The following CCDC91 variants were observed in gnomAD, a reference collection of about 807,000 sequenced individuals.
The protein encoded by CCDC91 is coiled-coil domain containing 91.
A neutral mutation model predicts 63.2 loss-of-function variants in CCDC91; 48 were observed. The observed-to-expected ratio is 0.76, with a 90% CI of 0.60 to 0.97. The LOEUF is 0.97. CCDC91 is among the 50% of genes least tolerant of loss of function. The probability of loss-of-function intolerance (pLI) is 0.00; values close to 1 mark genes in which losing one functional copy is unlikely to be tolerated. For synonymous variants in CCDC91, 167 were observed against 165.8 expected (o/e 1.01, Z -0.06); for missense variants, 500 against 494.6 (o/e 1.01, Z -0.10).
chr12:28,281,073 T>C (rs1245764549), intron 3 of CCDC91, among the ~76,000 whole-genome samples: 2 of 152,226 alleles, frequency 1.3e-5, no homozygotes, highest in Admixed American at 1.3e-4. Flanking sequence ...TCTTCATTTA[T>C]CAATTACTTT....
intron 3 of CCDC91, among the ~76,000 whole-genome samples, chr12:28,271,794 AATTT>A (rs1328243850): frequency 1.3e-5 from 2 of 151,488 alleles, no homozygotes; most frequent in Non-Finnish European, 2.9e-5. Flanking sequence ...GAAATTTATT[AATTT>A]ATTCTTTTGT....
chr12:28,232,436 T>C (rs962904227), intron 1 of CCDC91, among the ~76,000 whole-genome samples: 1 of 152,152 alleles, frequency 6.6e-6, no homozygotes, highest in Admixed American at 6.6e-5. Flanking sequence ...ACTTGTGTGA[T>C]GCCATCAACT....
chr12:28,354,356 T>C (rs1452231678), intron 6 of CCDC91, among the ~76,000 whole-genome samples: 1 of 152,190 alleles, frequency 6.6e-6, no homozygotes, highest in African/African-American at 2.4e-5. Context: ...TCCTTTCTCT[T>C]GTAAGGATAC....
chr12:28,377,372 G>A (rs772678181), intron 7 of CCDC91, among the ~76,000 whole-genome samples: 2 of 151,458 alleles, frequency 1.3e-5, no homozygotes, highest in Admixed American at 6.6e-5. Context: ...AAACATTATC[G>A]AATTTTGATG....
chr12:28,291,612 A>G (rs1308391639), intron 3 of CCDC91, among the ~76,000 whole-genome samples: 1 of 152,154 alleles, frequency 6.6e-6, no homozygotes, highest in Non-Finnish European at 1.5e-5. Context: ...TTTGCGGTCT[A>G]CCTACTGAGC....
chr12:28,206,954 G>A (rs1480549073), intron 1 of CCDC91, among the ~76,000 whole-genome samples: 3 of 152,190 alleles, frequency 2.0e-5, no homozygotes, highest in Non-Finnish European at 4.4e-5. Context: ...GTTAAGAGGA[G>A]TGAATCAATG....
intron 3 of CCDC91, among the ~76,000 whole-genome samples, chr12:28,271,519 G>C (rs2136383629): frequency 6.6e-6 from 1 of 151,964 alleles, no homozygotes; most frequent in South Asian, 2.1e-4. Flanking sequence ...TTTTTAAAAA[G>C]TATTTCGTAA....
chr12:28,536,532 CTTTG>C (rs910332301), intron 12 of CCDC91, among the ~76,000 whole-genome samples: 3 of 152,098 alleles, frequency 2.0e-5, no homozygotes, highest in African/African-American at 7.2e-5. Flanking sequence ...GAAAACCAAG[CTTTG>C]TTTTTTATTG....
chr12:28,544,839 C>G lies in CCDC91; in HGVS notation c.1216-4224C>G, dbSNP rs114858157. On this transcript the variant is annotated intron_variant, in intron 12 of 12. Transcript: ENST00000536442. ...CAAGAGATGTTTTATTTTTCTTTTA[C>G]TTTTGCAATGGCATGAAACACTCAT... 9.1e-3 allele frequency among the ~76,000 whole-genome samples: 1,389 copies of G among 152,024 alleles called. 28 individuals are homozygous for G. The highest frequency in any genetic ancestry group is 0.031 in the African/African-American group (1,304 of 41,524).
At chr12:28,219,182 A>G (rs562945744) in intron 1 of CCDC91, among the ~76,000 whole-genome samples, 2 of 152,146 alleles carry the variant, frequency 1.3e-5, no homozygotes, top group South Asian at 2.1e-4. Context: ...TTTAATTTAC[A>G]TTTTTCTAAT....
intron 6 of CCDC91, among the ~76,000 whole-genome samples, chr12:28,359,557 A>G (rs745407257): frequency 6.6e-6 from 1 of 152,224 alleles, no homozygotes; most frequent in Non-Finnish European, 1.5e-5. Context: ...TAAACAGATT[A>G]CTTATGAGTT....
At chr12:28,295,550 A>T (rs1364741221) in intron 3 of CCDC91, among the ~76,000 whole-genome samples, 1 of 152,082 alleles carries the variant, frequency 6.6e-6, no homozygotes, top group African/African-American at 2.4e-5. Flanking sequence ...TTATTTTAAT[A>T]CCAATGTGAT....
chr12:28,380,976 T>G (rs1945264561), intron 7 of CCDC91, among the ~76,000 whole-genome samples: 1 of 152,096 alleles, frequency 6.6e-6, no homozygotes, highest in Non-Finnish European at 1.5e-5. Context: ...ACAATATAGT[T>G]GTTACAGGCA....
At chr12:28,217,493 TAAGTGAATCAA>T (rs1296967921) in intron 1 of CCDC91, among the ~76,000 whole-genome samples, 1 of 152,154 alleles carries the variant, frequency 6.6e-6, no homozygotes, top group East Asian at 1.9e-4. Flanking sequence ...TTGAAGTCAG[TAAGTGAATCAA>T]AAGATATTAA....
chr12:28,475,053 G>A (rs1339099104), intron 11 of CCDC91, among the ~76,000 whole-genome samples: 2 of 152,004 alleles, frequency 1.3e-5, no homozygotes, highest in Admixed American at 6.6e-5. Context: ...GGGGCAAATG[G>A]TGTGCTGTGC....
intron 11 of CCDC91, among the ~76,000 whole-genome samples, chr12:28,456,553 G>C (rs1592725249): frequency 6.6e-6 from 1 of 152,074 alleles, no homozygotes; most frequent in East Asian, 1.9e-4. Flanking sequence ...TCTTGATTGT[G>C]ATAGCGCTTA....
intron 3 of CCDC91, among the ~76,000 whole-genome samples, chr12:28,271,149 A>G (rs1200166668): frequency 6.6e-6 from 1 of 152,174 alleles, no homozygotes; most frequent in Non-Finnish European, 1.5e-5. Flanking sequence ...ACTCAGGATT[A>G]GCAAGGCAAA....
At position 28,520,280 on chromosome 12, in the gene CCDC91, G is replaced by T. The variant is rs189002667; in HGVS notation, c.1216-28783G>T. Reference sequence around the variant, plus strand: ...TTGCCATTCTAACTGGTGTGAGATGGTGTCTCATTGTGGTTTTGATTTGCA... The same window carrying T: ...TTGCCATTCTAACTGGTGTGAGATGTTGTCTCATTGTGGTTTTGATTTGCA... On this transcript the variant is annotated intron_variant, in intron 12 of 12. Coordinates refer to ENST00000536442, the MANE Select transcript of CCDC91 (RefSeq NM_018318.5). 1.3e-3 allele frequency among the ~76,000 whole-genome samples: 194 copies of T among 152,242 alleles called. 1 individual carries two copies. Among genetic ancestry groups the T allele is most frequent in the African/African-American group, 4.6e-3 (190 of 41,542 alleles).
At chr12:28,275,159 C>CA (rs1332399570) in intron 3 of CCDC91, among the ~76,000 whole-genome samples, 2 of 151,926 alleles carry the variant, frequency 1.3e-5, no homozygotes, top group African/African-American at 4.8e-5. Flanking sequence ...AAAAACCCTT[C>CA]AAAAAATCAA....
Sources: allele counts gnomAD v4.1 joint callset (sites outside exome capture counted in the v4.1 genomes callset), GRCh38; gene constraint gnomAD v4.1.1; transcripts MANE v1.5; gene names NCBI Gene and HGNC (gene_info 2026-07-23, HGNC 2026-07-21).